Variants in RELL1 observed in about 807,000 individuals in gnomAD.
The protein encoded by RELL1 is RELT like 1.
In RELL1, 10 loss-of-function variants were observed where a neutral mutation model predicts 23.0. The ratio of observed to expected loss-of-function variants is 0.43; its 90% CI spans 0.27 to 0.74. The LOEUF (loss-of-function observed/expected upper bound fraction) is 0.74, where lower values mean the gene tolerates loss of function less well. Ranked by LOEUF, RELL1 falls within the 30% of genes least tolerant of loss-of-function variation. The probability of loss-of-function intolerance (pLI) is 0.19; values close to 1 mark genes in which losing one functional copy is unlikely to be tolerated. For synonymous variants in RELL1, 146 were observed against 146.8 expected (o/e 0.99, Z 0.04); for missense variants, 315 against 364.4 (o/e 0.86, Z 1.10).
chr4:37,612,652 A>G lies in RELL1; in HGVS notation c.*694T>C, dbSNP rs1279336277. On this transcript the variant is annotated 3_prime_UTR_variant, in exon 7 of 7. Coordinates refer to ENST00000454158, the MANE Select transcript of RELL1 (RefSeq NM_001085400.2). The stretch of plus-strand genomic sequence containing the variant: ...ACTCTGCCTCAAAAAAAAAAAAAAA[A>G]AAACCTTCTCAAAATGTGTAAGTGC... Among the ~76,000 whole-genome samples, 1 of 151,722 alleles carries G rather than the reference A, an allele frequency of 6.6e-6. No homozygotes were observed. Among genetic ancestry groups the G allele is most frequent in the Middle Eastern group, 3.2e-3 (1 of 314 alleles).
At chr4:37,648,262 C>T (rs1720778026) in intron 2 of RELL1, among the ~76,000 whole-genome samples, 1 of 152,250 alleles carries the variant, frequency 6.6e-6, no homozygotes, top group Non-Finnish European at 1.5e-5. Flanking sequence ...GGAGGCTCCA[C>T]TTTCTGTTGA....
intron 1 of RELL1, among the ~76,000 whole-genome samples, chr4:37,681,534 T>G (rs1156330408): frequency 2.1e-5 from 3 of 141,142 alleles, no homozygotes; most frequent in East Asian, 4.1e-4. Context: ...TTTTTTTTTT[T>G]TTTTTTTTTT....
intron 1 of RELL1, among the ~76,000 whole-genome samples, chr4:37,661,468 C>T (rs751899298): frequency 1.2e-4 from 18 of 152,082 alleles, no homozygotes; most frequent in African/African-American, 4.3e-4. Context: ...TTAGTAGAGA[C>T]GGAGTTTCAC....
intron 1 of RELL1, among the ~76,000 whole-genome samples, chr4:37,673,499 T>C (rs1232884578): frequency 6.6e-6 from 1 of 152,174 alleles, no homozygotes; most frequent in East Asian, 1.9e-4. Flanking sequence ...GCCAAAACTA[T>C]ATACTTAGCA....
rs1720411158 is a variant in RELL1, at chr4:37,638,463, G to A, written c.427C>T (p.Leu143=). 1.9e-6 allele frequency: 3 copies of A among 1,612,810 alleles called. No homozygotes were observed. Among genetic ancestry groups the A allele is most frequent in the Non-Finnish European group, 2.5e-6 (3 of 1,179,168 alleles). The change falls in exon 4 of 7, where the codon CTG becomes TTG. Residue 143 remains leucine (L), a synonymous_variant. Transcript: ENST00000454158. ...VLKAMVADNS[L]YDPESPVTPS... ...AGCACTCACCTTTCAGGATCATACA[G>A]GCTGTTATCTGCTACCATCGCCTTT...
intron 1 of RELL1, among the ~76,000 whole-genome samples, chr4:37,669,183 G>C (rs1387658801): frequency 9.9e-4 from 2 of 2,022 alleles, no homozygotes; most frequent in Admixed American, 0.013. Flanking sequence ...GAGGGAGGTG[G>C]GGGGGGGGGT....
At chr4:37,683,060 G>A (rs1160935729) in intron 1 of RELL1, among the ~76,000 whole-genome samples, 1 of 152,206 alleles carries the variant, frequency 6.6e-6, no homozygotes, top group Non-Finnish European at 1.5e-5. Context: ...CTACTAGGAA[G>A]GAAGTGAAAA....
intron 1 of RELL1, among the ~76,000 whole-genome samples, chr4:37,666,744 A>G (rs1024812348): frequency 2.6e-5 from 4 of 152,196 alleles, no homozygotes; most frequent in African/African-American, 9.7e-5. Context: ...TGGTACCACA[A>G]GGCCAGGCAG....
rs758463532 is a variant in RELL1 at position 37,634,970 on chromosome 4, C to T, written c.597G>A (p.Arg199=). Reference sequence around the variant, plus strand: ...TGTTAGTGGGCTTTATAAAGTGCCACCGCTTGTGCCTACACCGATGACACA... The same window carrying T: ...TGTTAGTGGGCTTTATAAAGTGCCATCGCTTGTGCCTACACCGATGACACA... ...RDVCHRCRHK[R]WHFIKPTNKS... is the part of the protein sequence containing the mutation. The change falls in exon 5 of 7, where the codon CGG becomes CGA. Residue 199 remains arginine (R), a synonymous_variant. Coordinates refer to ENST00000454158, the MANE Select transcript of RELL1 (RefSeq NM_001085400.2). The T allele has an allele frequency of 1.2e-6, 2 of 1,614,252 alleles. No individual in the cohort carries two copies. Among genetic ancestry groups the T allele is most frequent in the Middle Eastern group, 1.6e-4 (1 of 6,062 alleles).
chr4:37,665,289 T>C (rs1302755437), intron 1 of RELL1: 2 of 456,194 alleles, frequency 4.4e-6, no homozygotes, highest in Admixed American at 4.7e-5. Flanking sequence ...CCCCACTGCT[T>C]CACCCCCTTG....
chr4:37,663,548 T>G (rs182840660), intron 1 of RELL1, among the ~76,000 whole-genome samples: 1 of 152,346 alleles, frequency 6.6e-6, no homozygotes, highest in African/African-American at 2.4e-5. Flanking sequence ...GTGTTAGTGG[T>G]GTCAGGCAGT....
intron 6 of RELL1, among the ~76,000 whole-genome samples, chr4:37,613,856 T>C (rs1719487795): frequency 6.6e-6 from 1 of 152,282 alleles, no homozygotes; most frequent in Admixed American, 6.5e-5. Context: ...AGGCCCATAC[T>C]TGTAAAATAG....
intron 1 of RELL1, among the ~76,000 whole-genome samples, chr4:37,666,106 A>G (rs917736169): frequency 6.6e-6 from 1 of 152,212 alleles, no homozygotes; most frequent in Non-Finnish European, 1.5e-5. Flanking sequence ...CCAACTGCTA[A>G]CAGCCACTAA....
intron 6 of RELL1, among the ~76,000 whole-genome samples, chr4:37,601,920 T>G (rs974201296): frequency 1.3e-5 from 2 of 152,004 alleles, no homozygotes; most frequent in African/African-American, 4.8e-5. Context: ...ATCTGGGGCT[T>G]GAAAGCAACC....
Position 37,641,476 on chromosome 4 carries a change from T to C in RELL1, c.386-2972A>G, listed in dbSNP as rs116459913. On this transcript the variant is annotated intron_variant, in intron 3 of 6. Coordinates refer to ENST00000454158, the MANE Select transcript of RELL1 (RefSeq NM_001085400.2). ...AATACTGTGAGTTCTGTTGAAGGTG[T>C]ATCTCCTCCTTGCATATTACTCACA... is the stretch of plus-strand genomic sequence containing the variant. Among the ~76,000 whole-genome samples, 242 of 152,302 alleles carry C rather than the reference T, an allele frequency of 1.6e-3. 1 individual carries two copies. The highest frequency in any genetic ancestry group is 5.6e-3 in the African/African-American group (233 of 41,570).
intron 6 of RELL1, among the ~76,000 whole-genome samples, chr4:37,615,305 A>G (rs1719540192): frequency 6.6e-6 from 1 of 152,214 alleles, no homozygotes. Flanking sequence ...CACTGCTAAT[A>G]CCAGAAACTA....
chr4:37,597,289 T>C (rs2109480516), intron 6 of RELL1, among the ~76,000 whole-genome samples: 1 of 152,264 alleles, frequency 6.6e-6, no homozygotes, highest in East Asian at 1.9e-4. Flanking sequence ...AGACAAAGAA[T>C]TTTACTTATC....
At position 37,604,932 on chromosome 4, in the gene RELL1, CAGACACACACATACACACACAG is replaced by C. The variant is rs1560324130; in HGVS notation, c.*4-13737_*4-13716del. Among the ~76,000 whole-genome samples the C allele has an allele frequency of 6.4e-4, 19 of 29,710 alleles. 1 individual carries two copies. The highest frequency in any genetic ancestry group is 2.3e-3 in the African/African-American group (19 of 8,308). 19.5% of individuals were successfully genotyped at this position (29,710 alleles called of 152,430 possible). A position where few individuals can be genotyped will look rare whatever the true frequency, so the allele number is the denominator to read the frequency against. On this transcript the variant is annotated intron_variant, in intron 6 of 6. Coordinates refer to the RELL1 transcript ENST00000314117. ...ACACACACACACAGACACACACACA[CAGACACACACATACACACACAG>C]AGACACACACATACACACAGTACTT...
At chr4:37,596,321 T>C (rs546632852) in intron 6 of RELL1, among the ~76,000 whole-genome samples, 1 of 152,232 alleles carries the variant, frequency 6.6e-6, no homozygotes. Flanking sequence ...AAAAGGCAGA[T>C]TTCTGGACCT....
Sources: gnomAD v4.1 joint callset for allele counts (sites outside exome capture counted in the v4.1 genomes callset) on GRCh38, gnomAD v4.1.1 for gene constraint, MANE v1.5 for transcripts, NCBI Gene and HGNC (gene_info 2026-07-23, HGNC 2026-07-21) for gene names.